The following RAD18 variants were observed in gnomAD, a reference collection of about 807,000 sequenced individuals.
The protein encoded by RAD18 is RAD18 E3 ubiquitin protein ligase.
In RAD18, 47 loss-of-function variants were observed where a neutral mutation model predicts 60.4. The ratio of observed to expected loss-of-function variants is 0.78; its 90% CI spans 0.62 to 0.99. The LOEUF (loss-of-function observed/expected upper bound fraction) is 0.99, where lower values mean the gene tolerates loss of function less well. RAD18 is among the 50% of genes least tolerant of loss of function. RAD18 has a pLI of 0.00. For synonymous variants in RAD18, 225 were observed against 195.5 expected (o/e 1.15, Z -1.26); for missense variants, 640 against 593.3 (o/e 1.08, Z -0.82).
chr3:8,893,799 G>A (rs895589469), intron 11 of RAD18, among the ~76,000 whole-genome samples: 2 of 150,240 alleles, frequency 1.3e-5, no homozygotes, highest in Non-Finnish European at 3.0e-5. Context: ...TGTGCTCAAG[G>A]AATCCTCCCA....
intron 7 of RAD18, among the ~76,000 whole-genome samples, chr3:8,919,804 A>G (rs1207037158): frequency 1.3e-5 from 2 of 151,570 alleles, no homozygotes; most frequent in Non-Finnish European, 2.9e-5. Context: ...AAAGTCTGCA[A>G]TATCTTGTTA....
chr3:8,936,769 G>A (rs944270285), intron 6 of RAD18, among the ~76,000 whole-genome samples: 4 of 152,142 alleles, frequency 2.6e-5, no homozygotes, highest in South Asian at 2.1e-4. Flanking sequence ...TACCTAAGAA[G>A]CACCTAAAGA....
intron 7 of RAD18, among the ~76,000 whole-genome samples, chr3:8,924,547 C>T (rs1313098794): frequency 1.7e-3 from 240 of 139,798 alleles, no homozygotes; most frequent in Non-Finnish European, 3.1e-3. Flanking sequence ...GAACTCAGCT[C>T]TGCACCAAGC....
At chr3:8,947,172 T>A in intron 4 of RAD18, 48 bp downstream of exon 4, 1 of 1,403,056 alleles carries the variant, frequency 7.1e-7, no homozygotes, top group Non-Finnish European at 1.0e-6. Context: ...AGAGAACACA[T>A]ATAAAAGGCA....
intron 7 of RAD18, among the ~76,000 whole-genome samples, chr3:8,915,147 C>CAAAAAA (rs373157801): frequency 0.024 from 2,405 of 100,908 alleles, 116 homozygotes; most frequent in African/African-American, 0.083. Flanking sequence ...GACTCCGTCT[C>CAAAAAA]AAAAAAAAAA....
rs45556832 is a variant in RAD18, at chr3:8,935,185, G to A, written c.889+686C>T. On this transcript the variant is annotated intron_variant, in intron 7 of 12. Transcript: ENST00000264926. ...TCACCAAACAATACACTTATAATTT[G>A]TGTGTTTTAATGTTTGCATGTTATT... is the stretch of plus-strand genomic sequence containing the variant. 3.3e-5 allele frequency among the ~76,000 whole-genome samples: 5 copies of A among 152,256 alleles called. No homozygotes were observed. In the East Asian group the frequency reaches 7.7e-4, roughly 24 times the overall value.
chr3:8,930,935 T>TA (rs759812705), intron 7 of RAD18, among the ~76,000 whole-genome samples: 43 of 152,044 alleles, frequency 2.8e-4, no homozygotes, highest in African/African-American at 6.5e-4. Flanking sequence ...GAAATTCATT[T>TA]AAAAAAAAGA....
At chr3:8,958,519 A>G (rs1436353859) in intron 2 of RAD18, among the ~76,000 whole-genome samples, 1 of 152,236 alleles carries the variant, frequency 6.6e-6, no homozygotes, top group African/African-American at 2.4e-5. Flanking sequence ...CCACTGGGGC[A>G]ATATTCTTAT....
intron 11 of RAD18, among the ~76,000 whole-genome samples, chr3:8,891,486 T>C (rs145338454): frequency 5.1e-4 from 77 of 152,260 alleles, no homozygotes; most frequent in African/African-American, 1.8e-3. Flanking sequence ...AGGAAAACAT[T>C]TGCAGTACAC....
At chr3:8,945,874 C>T (rs1038136345) in intron 4 of RAD18, among the ~76,000 whole-genome samples, 4 of 152,142 alleles carry the variant, frequency 2.6e-5, no homozygotes, top group African/African-American at 9.7e-5. Flanking sequence ...GATGCTTATA[C>T]AGCTATACGA....
At chr3:8,924,031 A>C (rs1232371233) in intron 7 of RAD18, among the ~76,000 whole-genome samples, 1 of 152,236 alleles carries the variant, frequency 6.6e-6, no homozygotes, top group African/African-American at 2.4e-5. Flanking sequence ...ACCAGCTAAC[A>C]TCATAATGAC....
intron 5 of RAD18, 102 bp from the exon 6 acceptor site, chr3:8,939,755 A>C (rs1271550044): frequency 1.4e-5 from 13 of 935,380 alleles, no homozygotes; most frequent in Non-Finnish European, 1.9e-5. Flanking sequence ...AAAGAATCCC[A>C]ACTTAACATG....
At chr3:8,900,471 T>C (rs1939889485) in intron 10 of RAD18, among the ~76,000 whole-genome samples, 1 of 152,226 alleles carries the variant, frequency 6.6e-6, no homozygotes, top group Admixed American at 6.5e-5. Context: ...CACTCTTACA[T>C]ACACTTCTAG....
chr3:8,935,898 G>T lies in RAD18; in HGVS notation c.862C>A (p.Gln288Lys). The change falls in exon 7 of 13, where the codon CAA (glutamine) becomes AAA (lysine). Residue 288 changes from glutamine (Q) to lysine (K), a missense_variant. Coordinates refer to ENST00000264926, the MANE Select transcript of RAD18 (RefSeq NM_020165.4). ...HQEFVHMYNA[Q>K]CDALHPKSAA... is the part of the protein sequence containing the mutation. Reference sequence around the variant, plus strand: ...GATTTAGGATGCAAAGCATCGCATTGGGCATTGTACATGTGTACAAATTCT... The same window carrying T: ...GATTTAGGATGCAAAGCATCGCATTTGGCATTGTACATGTGTACAAATTCT... 6.2e-7 allele frequency: 1 copy of T among 1,600,672 alleles called. No homozygotes were observed. Among genetic ancestry groups the T allele is most frequent in the East Asian group, 2.3e-5 (1 of 44,350 alleles).
rs1437484440 is a variant in RAD18 at position 8,948,560 on chromosome 3, G to A, written c.144C>T (p.Leu48=). 2 of 1,611,716 alleles carry A rather than the reference G, an allele frequency of 1.2e-6. No individual in the cohort carries two copies. Among genetic ancestry groups the A allele is most frequent in the African/African-American group, 2.7e-5 (2 of 74,864 alleles). The change falls in exon 3 of 13, where the codon CTC becomes CTT. Residue 48 remains leucine (L), a synonymous_variant. Coordinates refer to ENST00000264926, the MANE Select transcript of RAD18 (RefSeq NM_020165.4). ...IPQCSHNYCS[L]CIRKFLSYKT... ...TATAGGACAGAAATTTTCTTATACA[G>A]AGAGAGCAGTCTGCAAAACACAAAG...
chr3:8,893,870 T>C (rs1258297479), intron 11 of RAD18, among the ~76,000 whole-genome samples: 1 of 151,940 alleles, frequency 6.6e-6, no homozygotes, highest in African/African-American at 2.4e-5. Flanking sequence ...TTAAATATTT[T>C]GTAGAGATGG....
intron 1 of RAD18, among the ~76,000 whole-genome samples, chr3:8,959,301 T>C (rs1941060281): frequency 6.6e-6 from 1 of 152,240 alleles, no homozygotes; most frequent in African/African-American, 2.4e-5. Context: ...GTACTTCTGT[T>C]CCACTTCTAA....
intron 7 of RAD18, among the ~76,000 whole-genome samples, chr3:8,929,267 G>A (rs773827700): frequency 1.3e-5 from 2 of 151,870 alleles, no homozygotes; most frequent in African/African-American, 2.4e-5. Flanking sequence ...GACAAAAACT[G>A]AGAAAAAGCA....
At chr3:8,882,791 C>T (rs909979113) in intron 12 of RAD18, among the ~76,000 whole-genome samples, 3 of 152,240 alleles carry the variant, frequency 2.0e-5, no homozygotes, top group South Asian at 2.1e-4. Context: ...CTGAAGGTCA[C>T]ATTAGTCACT....
Sources: gnomAD v4.1 joint callset for allele counts (sites outside exome capture counted in the v4.1 genomes callset) on GRCh38, gnomAD v4.1.1 for gene constraint, MANE v1.5 for transcripts, NCBI Gene and HGNC (gene_info 2026-07-23, HGNC 2026-07-21) for gene names.